SPIRE1: variants seen among roughly 807,000 people sequenced by gnomAD.
The protein encoded by SPIRE1 is spire type actin nucleation factor 1.
A neutral mutation model predicts 94.1 loss-of-function variants in SPIRE1; 40 were observed. That is an observed-to-expected ratio of 0.43 (90% CI 0.33 to 0.55). The LOEUF (loss-of-function observed/expected upper bound fraction) is 0.55, where lower values mean the gene tolerates loss of function less well. Ranked by LOEUF, SPIRE1 falls within the 20% of genes least tolerant of loss-of-function variation. The pLI is 0.06. For synonymous variants in SPIRE1, 376 were observed against 371.7 expected, an observed-to-expected ratio of 1.01 and a Z score of -0.13; for missense variants, 838 against 975.2, an observed-to-expected ratio of 0.86 and a Z score of 1.87.
At chr18:12,500,472 G>A (rs767694102) in intron 6 of SPIRE1, among the ~76,000 whole-genome samples, 10 of 152,126 alleles carry the variant, frequency 6.6e-5, no homozygotes, top group African/African-American at 1.2e-4. Flanking sequence ...GCAAGTGTTG[G>A]CAAGGATGGG....
At chr18:12,478,345 T>C (rs2032687869) in intron 10 of SPIRE1, among the ~76,000 whole-genome samples, 1 of 143,110 alleles carries the variant, frequency 7.0e-6, no homozygotes, top group Non-Finnish European at 1.5e-5. Flanking sequence ...CACGCATGCA[T>C]GTGTAGCTAG....
intron 2 of SPIRE1, among the ~76,000 whole-genome samples, chr18:12,610,853 G>T (rs2037120009): frequency 6.6e-6 from 1 of 151,976 alleles, no homozygotes; most frequent in Non-Finnish European, 1.5e-5. Flanking sequence ...GAAGTAACCA[G>T]AAGAGAACAT....
At chr18:12,484,520 T>C (rs1176575507) in intron 9 of SPIRE1, among the ~76,000 whole-genome samples, 1 of 152,226 alleles carries the variant, frequency 6.6e-6, no homozygotes, top group African/African-American at 2.4e-5. Flanking sequence ...ACTAGCTTTG[T>C]AGCTGGAAGA....
chr18:12,639,217 G>A (rs1229732248), intron 1 of SPIRE1, among the ~76,000 whole-genome samples: 2 of 151,266 alleles, frequency 1.3e-5, no homozygotes, highest in Non-Finnish European at 2.9e-5. Context: ...TGCCTCCTGG[G>A]TTCAGGCATT....
intron 5 of SPIRE1, among the ~76,000 whole-genome samples, chr18:12,511,284 G>C (rs543177200): frequency 1.3e-5 from 2 of 152,334 alleles, no homozygotes; most frequent in Admixed American, 1.3e-4. Flanking sequence ...CAGCAAATGA[G>C]TGGTGGATGA....
chr18:12,468,491 C>T (rs1294246117), intron 10 of SPIRE1, among the ~76,000 whole-genome samples: 1 of 152,118 alleles, frequency 6.6e-6, no homozygotes, highest in Non-Finnish European at 1.5e-5. Context: ...TTCTCAGTGA[C>T]GTCCTATGAA....
At chr18:12,485,225 C>G (rs1029994168) in intron 9 of SPIRE1, among the ~76,000 whole-genome samples, 1 of 151,988 alleles carries the variant, frequency 6.6e-6, no homozygotes, top group African/African-American at 2.4e-5. Flanking sequence ...CTGCCTCAGC[C>G]TCCCAAGCAG....
At chr18:12,610,109 A>G (rs1706499012) in intron 2 of SPIRE1, among the ~76,000 whole-genome samples, 1 of 151,490 alleles carries the variant, frequency 6.6e-6, no homozygotes, top group African/African-American at 2.4e-5. Context: ...CCATATACCA[A>G]CTGTCTCCTT....
Position 12,485,947 on chromosome 18 carries a change from TG to T in SPIRE1, c.1231+11del, listed in dbSNP as rs1227529027. On this transcript the variant is annotated intron_variant, in intron 9 of 16. Transcript: ENST00000409402. The stretch of plus-strand genomic sequence containing the variant: ...CCCACGTCAGGTGTAAAAGTGTTTT[TG>T]TTTTTTTTACCTGACAAGTCAAAAC... 2.0e-6 allele frequency: 3 copies of T among 1,532,122 alleles called. No homozygotes were observed. The highest frequency in any genetic ancestry group is 1.8e-6 in the Non-Finnish European group (2 of 1,138,670). 94.9% of individuals were successfully genotyped at this position (1,532,122 alleles called of 1,614,324 possible).
At chr18:12,617,946 T>C (rs2037358479) in intron 2 of SPIRE1, among the ~76,000 whole-genome samples, 1 of 152,206 alleles carries the variant, frequency 6.6e-6, no homozygotes, top group Non-Finnish European at 1.5e-5. Context: ...ACAGGGTCTA[T>C]AAATAGCAAG....
rs73407531 is a variant in SPIRE1 at position 12,551,336 on chromosome 18, T to C, written c.373-4432A>G. ...AACAGTAATACATCTACTTCTGAGT[T>C]CCTTTTTGTATATATAAAATAAAAT... On this transcript the variant is annotated intron_variant, in intron 2 of 16. Transcript: ENST00000409402. Among the ~76,000 whole-genome samples, 1,434 of 152,312 alleles carry C rather than the reference T, an allele frequency of 9.4e-3. 25 individuals are homozygous for C. The highest frequency in any genetic ancestry group is 0.033 in the African/African-American group (1,366 of 41,572).
At chr18:12,464,769 C>T in intron 11 of SPIRE1, 99 bp downstream of exon 11, 1 of 908,030 alleles carries the variant, frequency 1.1e-6, no homozygotes, top group South Asian at 1.5e-5. Flanking sequence ...GTTCTTTCTA[C>T]CCTAGATGAT....
At chr18:12,507,727 A>G (rs2033885470) in intron 5 of SPIRE1, among the ~76,000 whole-genome samples, 1 of 151,922 alleles carries the variant, frequency 6.6e-6, no homozygotes, top group Non-Finnish European at 1.5e-5. Flanking sequence ...ATAAAATAAT[A>G]CAAAATCTAT....
chr18:12,553,266 T>G (rs561669144), intron 2 of SPIRE1, among the ~76,000 whole-genome samples: 1 of 152,296 alleles, frequency 6.6e-6, no homozygotes, highest in African/African-American at 2.4e-5. Flanking sequence ...GAGCACCAAG[T>G]AGGCTCTTGG....
chr18:12,565,614 T>A lies in SPIRE1; in HGVS notation c.373-18710A>T, dbSNP rs2035797535. ...GTCTTGAATTCCTGACCTCAAATGATCTTCCCGCCTCAGCCTCCCAAAGTC... is the reference window on the plus strand; with the variant it reads ...GTCTTGAATTCCTGACCTCAAATGAACTTCCCGCCTCAGCCTCCCAAAGTC... On this transcript the variant is annotated intron_variant, in intron 2 of 16. Transcript: ENST00000409402. Among the ~76,000 whole-genome samples, 6 of 151,986 alleles carry A rather than the reference T, an allele frequency of 3.9e-5. No homozygotes were observed. The South Asian group carries it at 8.3e-4, about 21-fold the overall frequency.
chr18:12,501,291 G>A (rs2033655956), intron 6 of SPIRE1, among the ~76,000 whole-genome samples: 1 of 152,000 alleles, frequency 6.6e-6, no homozygotes, highest in African/African-American at 2.4e-5. Flanking sequence ...GAGAAGAATG[G>A]GAGTGATGCT....
Position 12,506,648 on chromosome 18 carries a change from G to T in SPIRE1, c.808-7C>A, listed in dbSNP as rs755104229. ...CCTGTACCCAGAATCGTGCCTGAAAGAACCAAGGATAGAGAGACATCAATG... is the reference window on the plus strand; with the variant it reads ...CCTGTACCCAGAATCGTGCCTGAAATAACCAAGGATAGAGAGACATCAATG... On this transcript the variant is annotated splice_region_variant and splice_polypyrimidine_tract_variant and intron_variant, in intron 5 of 16. Transcript: ENST00000409402. 6.2e-7 allele frequency: 1 copy of T among 1,613,754 alleles called. No individual in the cohort carries two copies. The highest frequency in any genetic ancestry group is 2.2e-5 in the East Asian group (1 of 44,880).
At chr18:12,522,751 G>A (rs1413038096) in intron 4 of SPIRE1, among the ~76,000 whole-genome samples, 11 of 152,132 alleles carry the variant, frequency 7.2e-5, no homozygotes. Context: ...TACTCTGTCT[G>A]TGCTCTATAA....
At chr18:12,638,262 T>C (rs2037991290) in intron 1 of SPIRE1, among the ~76,000 whole-genome samples, 1 of 152,032 alleles carries the variant, frequency 6.6e-6, no homozygotes, top group African/African-American at 2.4e-5. Flanking sequence ...CTAGGTAACA[T>C]AGCGAGACCC....
Sources: allele counts gnomAD v4.1 joint callset (sites outside exome capture counted in the v4.1 genomes callset), GRCh38; gene constraint gnomAD v4.1.1; transcripts MANE v1.5; gene names NCBI Gene and HGNC (gene_info 2026-07-23, HGNC 2026-07-21).